Variants in IGSF5 observed in about 807,000 individuals in gnomAD.
IGSF5 encodes the protein immunoglobulin superfamily member 5.
In IGSF5, 41 loss-of-function variants were observed where a neutral mutation model predicts 39.4. That is an observed-to-expected ratio of 1.04 (90% CI 0.81 to 1.35). The LOEUF (loss-of-function observed/expected upper bound fraction) is 1.35, where lower values mean the gene tolerates loss of function less well. IGSF5 is among the 40% of genes most tolerant of loss of function. The probability of loss-of-function intolerance (pLI) is 0.00; values close to 1 mark genes in which losing one functional copy is unlikely to be tolerated. For missense variants in IGSF5, 487 were observed against 494.6 expected (o/e 0.98, Z 0.15); for synonymous variants, 183 against 175.3 (o/e 1.04, Z -0.34).
chr21:39,799,697 G>C (rs1424543983), intron 8 of IGSF5, among the ~76,000 whole-genome samples: 1 of 152,016 alleles, frequency 6.6e-6, no homozygotes, highest in Non-Finnish European at 1.5e-5. Context: ...GTGCCATGAT[G>C]AATGCCAAGT....
the IGSF5 span, among the ~76,000 whole-genome samples, chr21:39,718,488 T>C: frequency 6.6e-6 from 1 of 152,208 alleles, no homozygotes; most frequent in Non-Finnish European, 1.5e-5. Context: ...TGTGGGTTTG[T>C]CATAGATGGT....
intron 2 of IGSF5, among the ~76,000 whole-genome samples, chr21:39,761,829 C>T (rs949074877): frequency 6.6e-6 from 1 of 152,070 alleles, no homozygotes; most frequent in African/African-American, 2.4e-5. Context: ...CTAACACACA[C>T]GGCTATTTTT....
chr21:39,717,698 A>G, the IGSF5 span, among the ~76,000 whole-genome samples: 2 of 152,160 alleles, frequency 1.3e-5, no homozygotes, highest in Non-Finnish European at 2.9e-5. Flanking sequence ...CCATTGGTCT[A>G]TATGCCTGTT....
intron 8 of IGSF5, among the ~76,000 whole-genome samples, chr21:39,798,615 T>C (rs1601146029): frequency 6.6e-6 from 1 of 152,194 alleles, no homozygotes; most frequent in East Asian, 1.9e-4. Context: ...AAGGCTGCCG[T>C]GGGTCTCTGA....
intron 4 of IGSF5, among the ~76,000 whole-genome samples, chr21:39,774,965 T>A (rs540242963): frequency 2.0e-5 from 3 of 152,170 alleles, no homozygotes; most frequent in Non-Finnish European, 4.4e-5. Context: ...AGAGAAGTCC[T>A]CTCTCCCGGC....
chr21:39,751,517 G>A (rs2080005491), intron 2 of IGSF5: 1 of 149,504 alleles, frequency 6.7e-6, no homozygotes. Context: ...GCTTCTCTGA[G>A]AAGTTCAGAA....
intron 5 of IGSF5, among the ~76,000 whole-genome samples, chr21:39,782,456 T>C (rs546072005): frequency 1.8e-4 from 27 of 152,338 alleles, no homozygotes; most frequent in African/African-American, 6.5e-4. Flanking sequence ...ACCATCCATC[T>C]ACAGATCTAG....
chr21:39,758,121 G>A (rs2080041959), intron 2 of IGSF5, among the ~76,000 whole-genome samples: 1 of 152,178 alleles, frequency 6.6e-6, no homozygotes, highest in Non-Finnish European at 1.5e-5. Flanking sequence ...TGGTCGTCCT[G>A]GCACGTAGGG....
At chr21:39,759,029 C>T (rs530864315) in intron 2 of IGSF5, among the ~76,000 whole-genome samples, 22 of 151,892 alleles carry the variant, frequency 1.4e-4, no homozygotes, top group Non-Finnish European at 2.5e-4. Flanking sequence ...ACCCCACTCC[C>T]AGTGACCATC....
At chr21:39,765,988 T>C (rs2080085727) in intron 3 of IGSF5, 136 bp downstream of exon 3, 2 of 780,318 alleles carry the variant, frequency 2.6e-6, no homozygotes, top group East Asian at 2.7e-5. Flanking sequence ...TATTCTGAAC[T>C]GATGAATGTT....
At chr21:39,722,384 G>A in the IGSF5 span, 2 of 152,172 alleles carry the variant, frequency 1.3e-5, no homozygotes, top group African/African-American at 4.8e-5. Flanking sequence ...GTTGCCATGT[G>A]ATTTGATTTG....
the IGSF5 span, among the ~76,000 whole-genome samples, chr21:39,726,952 A>G: frequency 1.3e-5 from 2 of 152,160 alleles, no homozygotes. Context: ...TGGAAAGGCC[A>G]TTGATGGCTC....
chr21:39,759,493 G>T (rs905551609), intron 2 of IGSF5, among the ~76,000 whole-genome samples: 1 of 152,098 alleles, frequency 6.6e-6, no homozygotes, highest in Non-Finnish European at 1.5e-5. Flanking sequence ...TTCAGCCGTG[G>T]TTACAAAAAA....
chr21:39,749,619 C>T (rs1735149), intron 2 of IGSF5, among the ~76,000 whole-genome samples: 124,279 of 152,162 alleles, frequency 0.82, 50,932 homozygotes, highest in Admixed American at 0.86. Flanking sequence ...AGGGCACAGC[C>T]TGGTTTTATA....
chr21:39,733,990 C>T, the IGSF5 span, among the ~76,000 whole-genome samples: 1 of 152,220 alleles, frequency 6.6e-6, no homozygotes, highest in Non-Finnish European at 1.5e-5. Context: ...ATTACATCTG[C>T]AATGACCCTG....
chr21:39,801,570 GTTT>G lies in IGSF5; in HGVS notation c.*216_*218del. ...AATGTGACTTTTAAGAGGTTTCATG[GTTT>G]TTGTGAATTCCATGAAGTTACTAAG... On this transcript the variant is annotated 3_prime_UTR_variant, in exon 9 of 9. Transcript: ENST00000380588. 2.4e-6 allele frequency: 1 copy of G among 412,480 alleles called. No individual in the cohort carries two copies. Among genetic ancestry groups the G allele is most frequent in the Non-Finnish European group, 4.3e-6 (1 of 231,646 alleles). 25.6% of individuals were successfully genotyped at this position (412,480 alleles called of 1,614,324 possible).
chr21:39,757,045 C>T (rs894799750), intron 2 of IGSF5, among the ~76,000 whole-genome samples: 1 of 151,656 alleles, frequency 6.6e-6, no homozygotes, highest in East Asian at 1.9e-4. Flanking sequence ...GGCACAGTCC[C>T]CCCGAGAGCC....
At chr21:39,745,912 A>G (rs1042913470) in intron 1 of IGSF5, among the ~76,000 whole-genome samples, 2 of 144,462 alleles carry the variant, frequency 1.4e-5, no homozygotes, top group Non-Finnish European at 3.0e-5. Context: ...CCAAAATGTT[A>G]CGGGGGGTGG....
chr21:39,784,207 A>G (rs1449244909), intron 5 of IGSF5, among the ~76,000 whole-genome samples: 1 of 152,236 alleles, frequency 6.6e-6, no homozygotes, highest in Non-Finnish European at 1.5e-5. Flanking sequence ...CAGATGGGTT[A>G]CTCAAATGGA....
Sources: allele counts gnomAD v4.1 joint callset (sites outside exome capture counted in the v4.1 genomes callset), GRCh38; gene constraint gnomAD v4.1.1; transcripts MANE v1.5; gene names NCBI Gene and HGNC (gene_info 2026-07-23, HGNC 2026-07-21).